Variants in DLG5 observed in about 807,000 individuals in gnomAD.
The protein encoded by DLG5 is disks large homolog 5.
A neutral mutation model predicts 189.8 loss-of-function variants in DLG5; 48 were observed. That is an observed-to-expected ratio of 0.25 (90% confidence interval 0.20 to 0.32). The LOEUF is 0.32. Among genes scored for constraint, DLG5 ranks in the 10% least tolerant of loss-of-function variants. The pLI, the probability that DLG5 is intolerant of heterozygous loss-of-function variation, is 1.00. For synonymous variants in DLG5, 1,016 were observed against 1,054.1 expected, an observed-to-expected ratio of 0.96 and a Z score of 0.70; for missense variants, 2,160 against 2,544.7, an observed-to-expected ratio of 0.85 and a Z score of 3.25.
chr10:77,938,335 A>G, the DLG5 span, among the ~76,000 whole-genome samples: 4 of 152,236 alleles, frequency 2.6e-5, no homozygotes, highest in Non-Finnish European at 5.9e-5. Flanking sequence ...GGAGGCTGAG[A>G]TCGGAGAATC....
At position 77,824,492 on chromosome 10, in the gene DLG5, G is replaced by A; in HGVS notation, c.2290-16C>T. On this transcript the variant is annotated splice_polypyrimidine_tract_variant and intron_variant, in intron 13 of 31. Coordinates refer to ENST00000372391, the MANE Select transcript of DLG5 (RefSeq NM_004747.4). ...TGCCATTGATCTAGAGCAGGACAGA[G>A]AGCATGTCAGGCCACAGGCAGAGCG... 6.2e-7 allele frequency: 1 copy of A among 1,606,926 alleles called. No homozygotes were observed. The highest frequency in any genetic ancestry group is 8.5e-7 in the Non-Finnish European group (1 of 1,174,576).
chr10:77,866,796 T>C (rs886995550), intron 2 of DLG5: 4 of 366,832 alleles, frequency 1.1e-5, no homozygotes, highest in African/African-American at 6.4e-5. Context: ...CAGCCTCATA[T>C]GGGAGCTCAT....
In DLG5 at chr10:77,821,880, C is replaced by T. The variant is rs760581305; in HGVS notation, c.2604G>A (p.Leu868=). ...AGGGTCCCCCAGGGAATGGCTTATG[C>T]AGAAAGGAGCTGCTGCCTCCTGGGG... ...PGPPGGSSSF[L]HKPFPGGPLQ... The change falls in exon 15 of 32, where the codon CTG becomes CTA. Residue 868 remains leucine, a synonymous_variant. Transcript: ENST00000372391. The T allele has an allele frequency of 1.2e-6, 2 of 1,614,048 alleles. No homozygotes were observed. The highest frequency in any genetic ancestry group is 2.2e-5 in the East Asian group (1 of 44,888).
intron 2 of DLG5, chr10:77,868,006 G>C (rs1378216173): frequency 2.2e-6 from 1 of 456,696 alleles, no homozygotes; most frequent in Admixed American, 2.3e-5. Context: ...GGCAAACCAA[G>C]GAGCACCAAG....
chr10:77,806,738 CAG>C lies in DLG5; in HGVS notation c.4967+18_4967+19del. ...CGGCGACCCCTGCCCCACCCCACCC[CAG>C]GCCCGGAGAACACTTACACATATTT... is the stretch of plus-strand genomic sequence containing the variant. On this transcript the variant is annotated intron_variant, in intron 26 of 31. Coordinates refer to ENST00000372391, the MANE Select transcript of DLG5 (RefSeq NM_004747.4). 7 of 1,574,536 alleles carry C rather than the reference CAG, an allele frequency of 4.4e-6. No individual in the cohort carries two copies. Among genetic ancestry groups the C allele is most frequent in the East Asian group, 2.3e-5 (1 of 43,868 alleles).
At position 77,843,436 on chromosome 10, in the gene DLG5, C is replaced by T; in HGVS notation, c.1124+11G>A. ...CCATTTGCCCCCGGCCCCCGATGGC[C>T]CTAGCCCTACCTCCTCAGGGAGAGG... On this transcript the variant is annotated intron_variant, in intron 6 of 31. Coordinates refer to ENST00000372391, the MANE Select transcript of DLG5 (RefSeq NM_004747.4). The T allele has an allele frequency of 1.2e-6, 2 of 1,612,736 alleles. No individual in the cohort carries two copies. The highest frequency in any genetic ancestry group is 8.5e-7 in the Non-Finnish European group (1 of 1,179,984).
chr10:77,861,385 A>C (rs1336776577), intron 2 of DLG5, among the ~76,000 whole-genome samples: 4 of 152,236 alleles, frequency 2.6e-5, no homozygotes, highest in African/African-American at 9.6e-5. Context: ...GGGAGACAAG[A>C]AATTTTGAAT....
chr10:77,827,707 T>G (rs1037729824), intron 13 of DLG5, among the ~76,000 whole-genome samples: 7 of 152,186 alleles, frequency 4.6e-5, no homozygotes, highest in Non-Finnish European at 1.0e-4. Context: ...AACTTCTATG[T>G]CCATCAATAG....
At chr10:77,853,638 T>C in intron 4 of DLG5, 101 bp from the exon 5 acceptor site, 5 of 1,237,762 alleles carry the variant, frequency 4.0e-6, no homozygotes, top group Non-Finnish European at 5.4e-6. Flanking sequence ...TTCCCGTAGA[T>C]ACAGCGGACA....
rs143912221 is a variant in DLG5, at chr10:77,817,812, T to C, written c.3749A>G (p.His1250Arg). 4.9e-5 allele frequency: 76 copies of C among 1,555,526 alleles called. No individual in the cohort carries two copies. Among genetic ancestry groups the C allele is most frequent in the Non-Finnish European group, 6.4e-5 (74 of 1,148,962 alleles). Reference protein sequence around the residue: ...CSDYSEMRATHGSNSLPSSAR... With the variant: ...CSDYSEMRATRGSNSLPSSAR... Reference sequence around the variant, plus strand: ...GCTGGAGGGCAGTGAGTTGGACCCATGGGTGGCTCTCATCTCGGAGTAGTC... The same window carrying C: ...GCTGGAGGGCAGTGAGTTGGACCCACGGGTGGCTCTCATCTCGGAGTAGTC... Residue 1250 changes from histidine to arginine, a missense_variant, in exon 18 of 32, where the codon CAT becomes CGT. Around this residue, in one of 5 missense-constraint regions of DLG5, gnomAD observed 754 missense variants for 746.5 expected, o/e 1.01. Transcript: ENST00000372391.
rs1053954638 is a variant in DLG5 at position 77,926,678 on chromosome 10, G to A, written c.-158C>T. ...GGCCTGGGCGGGCTGGGGGCCCGGG[G>A]CGGCGGGCGGCGCTCAGCAGCGGCC... is the stretch of plus-strand genomic sequence containing the variant. On this transcript the variant is annotated 5_prime_UTR_variant, in exon 1 of 32. Coordinates refer to ENST00000372391, the MANE Select transcript of DLG5 (RefSeq NM_004747.4). This position sits in a 1 kb window ranked among gnomAD's most constrained non-coding sequence, Gnocchi z 5.2. Among the ~76,000 whole-genome samples, 3 of 149,770 alleles carry A rather than the reference G, an allele frequency of 2.0e-5. No individual in the cohort carries two copies. Among genetic ancestry groups the A allele is most frequent in the African/African-American group, 7.3e-5 (3 of 41,180 alleles).
chr10:77,830,980 G>T, intron 9 of DLG5, 107 bp from the exon 10 acceptor site: 1 of 1,321,524 alleles, frequency 7.6e-7, no homozygotes, highest in Non-Finnish European at 1.0e-6. Context: ...GCTAAAATGG[G>T]TTCCTTTCCC....
chr10:77,816,961 G>A (rs754353406), intron 19 of DLG5, 46 bp downstream of exon 19: 9 of 1,589,386 alleles, frequency 5.7e-6, no homozygotes, highest in African/African-American at 2.7e-5. Flanking sequence ...TGAGGAGTCA[G>A]ACCGCAGGAA....
At chr10:77,938,285 A>AAAT in the DLG5 span, among the ~76,000 whole-genome samples, 1 of 152,214 alleles carries the variant, frequency 6.6e-6, no homozygotes, top group African/African-American at 2.4e-5. Flanking sequence ...CTCTACAAAA[A>AAAT]GTAAAATGAA....
chr10:77,891,040 C>A (rs1161758458), intron 1 of DLG5, among the ~76,000 whole-genome samples: 1 of 152,212 alleles, frequency 6.6e-6, no homozygotes, highest in East Asian at 1.9e-4. Context: ...ATCACTACTG[C>A]CTCTACCAAC....
chr10:77,891,230 G>A (rs1432413082), intron 1 of DLG5, among the ~76,000 whole-genome samples: 2 of 152,204 alleles, frequency 1.3e-5, no homozygotes, highest in African/African-American at 4.8e-5. Context: ...TTTCATGGAT[G>A]TGTGACCTTG....
Position 77,872,775 on chromosome 10 carries a change from G to A in DLG5, c.305-3578C>T, listed in dbSNP as rs186531909. ...TCCATGGGGCGGAGGGGCAGGTGTC[G>A]GCGTCATCTACCTCTGGGGTTTCGC... On this transcript the variant is annotated intron_variant, in intron 1 of 31. Transcript: ENST00000372391. Among the ~76,000 whole-genome samples the A allele has an allele frequency of 2.0e-5, 3 of 152,112 alleles. No individual in the cohort carries two copies. In the East Asian group the frequency reaches 5.8e-4, roughly 30 times the overall value.
intron 1 of DLG5, among the ~76,000 whole-genome samples, chr10:77,896,652 C>T (rs1027692355): frequency 1.3e-5 from 2 of 151,978 alleles, no homozygotes; most frequent in African/African-American, 4.8e-5. Flanking sequence ...ACCAGCCCAG[C>T]AAATATGGTG....
intron 6 of DLG5, 72 bp from the exon 7 acceptor site, chr10:77,842,265 C>A: frequency 6.6e-7 from 1 of 1,525,520 alleles, no homozygotes; most frequent in Non-Finnish European, 8.8e-7. Flanking sequence ...GCGCTGCTGC[C>A]TCCCGCCAGC....
Sources: gnomAD v4.1 joint callset for allele counts (sites outside exome capture counted in the v4.1 genomes callset) on GRCh38, gnomAD v4.1.1 for gene constraint, gnomAD v4.1.1 regional missense constraint, Gnocchi (gnomAD v3.1) non-coding constraint, MANE v1.5 for transcripts, NCBI Gene and HGNC (gene_info 2026-07-23, HGNC 2026-07-21) for gene names.